Variants in FYB2 observed in about 807,000 individuals in gnomAD.
The protein encoded by FYB2 is FYN-binding protein 2.
Under a neutral mutation model 94.1 loss-of-function variants are expected in FYB2, and 103 were observed. That is an observed-to-expected ratio of 1.09 (90% CI 0.93 to 1.29). FYB2 has a LOEUF of 1.29. FYB2 is among the 50% of genes most tolerant of loss of function. The pLI, the probability that FYB2 is intolerant of heterozygous loss-of-function variation, is 0.00. For missense variants in FYB2, 896 were observed against 841.5 expected, an observed-to-expected ratio of 1.06 and a Z score of -0.80; for synonymous variants, 293 against 287.9, an observed-to-expected ratio of 1.02 and a Z score of -0.18.
chr1:56,742,637 C>T lies in FYB2; in HGVS notation c.1544-416G>A, dbSNP rs561817835. Among the ~76,000 whole-genome samples, 80 of 152,212 alleles carry T rather than the reference C, an allele frequency of 5.3e-4. No homozygotes were observed. The South Asian group carries it at 6.6e-3, about 13-fold the overall frequency. ...AATAATCTCTCCCTTCACAGCATGG[C>T]TTTGGCCTAGCCCAACACATAAGCT... is the stretch of plus-strand genomic sequence containing the variant. On this transcript the variant is annotated intron_variant, in intron 11 of 19. Coordinates refer to ENST00000343433, the MANE Select transcript of FYB2 (RefSeq NM_001004303.5).
intron 1 of FYB2, among the ~76,000 whole-genome samples, chr1:56,816,165 A>G (rs554592522): frequency 5.3e-4 from 80 of 152,306 alleles, no homozygotes; most frequent in African/African-American, 1.8e-3. Context: ...ATATTTCACA[A>G]TTTTGTGGGA....
At chr1:56,805,119 A>C (rs1646613719) in intron 1 of FYB2, among the ~76,000 whole-genome samples, 1 of 152,166 alleles carries the variant, frequency 6.6e-6, no homozygotes, top group African/African-American at 2.4e-5. Flanking sequence ...GCTCCATTTT[A>C]GTACCTTCTG....
intron 11 of FYB2, among the ~76,000 whole-genome samples, chr1:56,742,848 G>C (rs1391988874): frequency 6.6e-6 from 1 of 151,928 alleles, no homozygotes; most frequent in Non-Finnish European, 1.5e-5. Context: ...GATATTTAAG[G>C]TTGTTTTTCC....
rs375361540 is a variant in FYB2 at position 56,738,392 on chromosome 1, T to C, written c.1732+233A>G. 1.6e-3 allele frequency among the ~76,000 whole-genome samples: 241 copies of C among 152,218 alleles called. 5 individuals carry two copies. In the South Asian group the frequency reaches 0.031, roughly 20 times the overall value. ...GATGATAACATTTATTTTTCTGGGA[T>C]TTTAAGAGGAACACATCTGCCCCAG... On this transcript the variant is annotated intron_variant, in intron 14 of 19. Coordinates refer to ENST00000343433, the MANE Select transcript of FYB2 (RefSeq NM_001004303.5).
At chr1:56,732,771 C>A (rs528802802) in intron 15 of FYB2, among the ~76,000 whole-genome samples, 61 of 152,116 alleles carry the variant, frequency 4.0e-4, no homozygotes, top group Middle Eastern at 3.4e-3. Context: ...AACTGGATAT[C>A]CATATACAGA....
chr1:56,744,873 C>T (rs768399456), intron 9 of FYB2, among the ~76,000 whole-genome samples: 4 of 151,918 alleles, frequency 2.6e-5, no homozygotes, highest in African/African-American at 4.8e-5. Flanking sequence ...TATCTGTTGG[C>T]ATAGGTTAAT....
At chr1:56,793,274 T>A (rs1337391443) in intron 1 of FYB2, among the ~76,000 whole-genome samples, 2 of 152,114 alleles carry the variant, frequency 1.3e-5, no homozygotes, top group Non-Finnish European at 2.9e-5. Context: ...AACAGAACTG[T>A]TTACAATTTT....
At chr1:56,791,693 T>G (rs939797356) in intron 2 of FYB2, among the ~76,000 whole-genome samples, 1 of 151,950 alleles carries the variant, frequency 6.6e-6, no homozygotes, top group African/African-American at 2.4e-5. Context: ...GCCTGAGAAA[T>G]TAGGAGAATA....
intron 3 of FYB2, among the ~76,000 whole-genome samples, chr1:56,787,433 T>C (rs1283217934): frequency 3.3e-5 from 5 of 152,194 alleles, no homozygotes; most frequent in African/African-American, 1.2e-4. Context: ...GGGTACAATC[T>C]CTTGCATTAG....
At chr1:56,723,757 T>G in intron 16 of FYB2, 76 bp from the exon 17 acceptor site, 1 of 774,736 alleles carries the variant, frequency 1.3e-6, no homozygotes, top group Non-Finnish European at 2.1e-6. Context: ...CGAAGTCACT[T>G]CATTTCAGGA....
At chr1:56,736,342 G>A (rs899200657) in intron 15 of FYB2, among the ~76,000 whole-genome samples, 1 of 150,274 alleles carries the variant, frequency 6.7e-6, no homozygotes, top group East Asian at 2.0e-4. Flanking sequence ...GAAGAGAGGA[G>A]ACTTTTATTT....
intron 5 of FYB2, among the ~76,000 whole-genome samples, chr1:56,765,982 C>G (rs1304522643): frequency 6.6e-6 from 1 of 152,090 alleles, no homozygotes; most frequent in Non-Finnish European, 1.5e-5. Context: ...TCACGTGGTC[C>G]AGAGAGAGAA....
chr1:56,797,915 T>G (rs1469914640), intron 1 of FYB2, among the ~76,000 whole-genome samples: 2 of 152,018 alleles, frequency 1.3e-5, no homozygotes, highest in Non-Finnish European at 2.9e-5. Context: ...TCTTTGAAGG[T>G]GGGTACTTTG....
chr1:56,775,549 C>T (rs960553672), intron 4 of FYB2, among the ~76,000 whole-genome samples: 1 of 152,134 alleles, frequency 6.6e-6, no homozygotes, highest in African/African-American at 2.4e-5. Flanking sequence ...GAAATAGATA[C>T]TATTATTCTT....
upstream of FYB2, chr1:56,824,628 T>A (rs890430490): frequency 3.3e-5 from 5 of 152,274 alleles, no homozygotes; most frequent in Non-Finnish European, 7.3e-5. Flanking sequence ...TATGTGCACA[T>A]CCCAGTGTTT....
At chr1:56,753,148 C>T (rs955241433) in intron 8 of FYB2, among the ~76,000 whole-genome samples, 2 of 152,032 alleles carry the variant, frequency 1.3e-5, no homozygotes, top group Non-Finnish European at 2.9e-5. Flanking sequence ...ACAACTGCAT[C>T]TTAAAAGATA....
chr1:56,720,457 A>G lies in FYB2; in HGVS notation c.1975-128T>C, dbSNP rs375853202. Reference sequence around the variant, plus strand: ...ATACTATTGACTAGTTAAATAACACATACAGGAAGAGAAAATAGGAAAGTA... The same window carrying G: ...ATACTATTGACTAGTTAAATAACACGTACAGGAAGAGAAAATAGGAAAGTA... On this transcript the variant is annotated intron_variant, in intron 17 of 19. Transcript: ENST00000343433. 17 of 759,808 alleles carry G rather than the reference A, an allele frequency of 2.2e-5. 1 individual carries two copies. The African/African-American group carries it at 2.7e-4, about 12-fold the overall frequency. 47.1% of individuals were successfully genotyped at this position (759,808 alleles called of 1,614,324 possible).
chr1:56,769,150 C>T (rs186657977), intron 4 of FYB2, among the ~76,000 whole-genome samples: 1 of 152,228 alleles, frequency 6.6e-6, no homozygotes, highest in Admixed American at 6.5e-5. Flanking sequence ...GCAATCCACA[C>T]ACCTCAGCCT....
In FYB2 at chr1:56,719,935, A is replaced by G. The variant is rs575405647; in HGVS notation, c.2165+87T>C. 18 of 1,331,266 alleles carry G rather than the reference A, an allele frequency of 1.4e-5. No individual in the cohort carries two copies. The East Asian group carries it at 3.7e-4, about 27-fold the overall frequency. The allele number at this position is 1,331,266 out of a possible 1,614,324, so 82.5% of individuals were successfully genotyped here. Reference sequence around the variant, plus strand: ...TTTTTAAAACTTATCCTGAATTTCAATAAATTCAGTAGTCTTCTCTTGAGA... The same window carrying G: ...TTTTTAAAACTTATCCTGAATTTCAGTAAATTCAGTAGTCTTCTCTTGAGA... On this transcript the variant is annotated intron_variant, in intron 19 of 19. Coordinates refer to ENST00000343433, the MANE Select transcript of FYB2 (RefSeq NM_001004303.5).
Sources: gnomAD v4.1 joint callset for allele counts (sites outside exome capture counted in the v4.1 genomes callset) on GRCh38, gnomAD v4.1.1 for gene constraint, MANE v1.5 for transcripts, NCBI Gene and HGNC (gene_info 2026-07-23, HGNC 2026-07-21) for gene names.